Variants in CDKN2A observed in about 807,000 individuals in gnomAD.
The protein encoded by CDKN2A is cyclin-dependent kinase inhibitor 2A.
CDKN2A carries 3 observed loss-of-function variants against 11.1 expected under a neutral mutation model. The observed-to-expected ratio is 0.27, with a 90% CI of 0.12 to 0.70. CDKN2A has a LOEUF of 0.70. Among genes scored for constraint, CDKN2A ranks in the 30% least tolerant of loss-of-function variants. CDKN2A has a pLI of 0.77. For missense variants in CDKN2A, 265 were observed against 233.6 expected (o/e 1.13, Z -0.88); for synonymous variants, 122 against 108.1 (o/e 1.13, Z -0.80).
rs1030782445 is a variant in CDKN2A at position 21,988,632 on chromosome 9, A to C, written c.-4+5250T>G. Among the ~76,000 whole-genome samples, 5 of 152,136 alleles carry C rather than the reference A, an allele frequency of 3.3e-5. No homozygotes were observed. Among genetic ancestry groups the C allele is most frequent in the Non-Finnish European group, 7.4e-5 (5 of 68,022 alleles). The stretch of plus-strand genomic sequence containing the variant: ...AGAAAGGGAATGAGCGAGGGCTGAA[A>C]TACTACCTACTGTGGGTACTGTGCT... On this transcript the variant is annotated intron_variant, in intron 2 of 3. Transcript: ENST00000494262. This position sits in a 1 kb window ranked among gnomAD's most constrained non-coding sequence, Gnocchi z 4.1.
rs45476696 is a variant in CDKN2A at position 21,970,902 on chromosome 9, C to A, written c.457G>T (p.Asp153Tyr). ...AAATTCTCAGATCATCAGTCCTCAC[C>A]TGAGGGACCTTCCGCGGCATCTATG... ...ARIDAAEGPS[D>Y]IPD is the part of the protein sequence containing the mutation. Residue 153 changes from aspartate (D) to tyrosine (Y), a missense_variant and splice_region_variant, in exon 2 of 3, where the codon GAC becomes TAC. Asp to Tyr is a radical substitution (Grantham distance 160). Coordinates refer to ENST00000304494, the MANE Select transcript of CDKN2A (RefSeq NM_000077.5). The A allele has an allele frequency of 6.2e-7, 1 of 1,611,686 alleles. No homozygotes were observed. The highest frequency in any genetic ancestry group is 8.5e-7 in the Non-Finnish European group (1 of 1,180,018).
chr9:21,979,322 A>C (rs535556591), upstream of CDKN2A, among the ~76,000 whole-genome samples: 6 of 152,324 alleles, frequency 3.9e-5, no homozygotes, highest in South Asian at 4.1e-4. Flanking sequence ...CTACTCTTTC[A>C]TAGCTTGGTT....
intron 2 of CDKN2A, among the ~76,000 whole-genome samples, chr9:21,992,636 G>T (rs916645554): frequency 6.6e-6 from 1 of 151,870 alleles, no homozygotes; most frequent in Non-Finnish European, 1.5e-5. Flanking sequence ...ACATAATTAT[G>T]GCATTTATAT....
In CDKN2A at chr9:21,981,143, TATATATATATATAC is replaced by T. The variant is rs1820187505; in HGVS notation, c.-3-9949_-3-9936del. Among the ~76,000 whole-genome samples, 2 of 22,984 alleles carry T rather than the reference TATATATATATATAC, an allele frequency of 8.7e-5. 1 individual carries two copies. Among genetic ancestry groups the T allele is most frequent in the African/African-American group, 4.2e-4 (2 of 4,708 alleles). The allele number at this position is 22,984 out of a possible 152,430, so 15.1% of individuals were successfully genotyped here. On this transcript the variant is annotated intron_variant, in intron 2 of 3. Coordinates refer to the CDKN2A transcript ENST00000494262. ...ATACGTGTATATATATATATACGTG[TATATATATATATAC>T]GTGTATATATATATATACGTGTATA...
chr9:21,968,885 A>G lies in CDKN2A; in HGVS notation c.458-643T>C. 2 of 988,524 alleles carry G rather than the reference A, an allele frequency of 2.0e-6. No homozygotes were observed. Among genetic ancestry groups the G allele is most frequent in the Non-Finnish European group, 1.5e-6 (1 of 650,088 alleles). 61.2% of individuals were successfully genotyped at this position (988,524 alleles called of 1,614,324 possible). ...TCGGTTCTCCCGAGGCAGCATTTAC[A>G]CTTGAGAGTCTCAAGATTATTTTAT... On this transcript the variant is annotated intron_variant, in intron 2 of 2. Transcript: ENST00000304494. This position sits in a 1 kb window ranked among gnomAD's most constrained non-coding sequence, Gnocchi z 4.7.
upstream of CDKN2A, among the ~76,000 whole-genome samples, chr9:21,976,961 G>A (rs1454549285): frequency 6.6e-6 from 1 of 152,224 alleles, no homozygotes; most frequent in Non-Finnish European, 1.5e-5. Context: ...TTAAGCACAT[G>A]CTTAATCTGC....
chr9:21,987,432 C>G (rs868589965), intron 2 of CDKN2A, among the ~76,000 whole-genome samples: 451 of 138,254 alleles, frequency 3.3e-3, no homozygotes, highest in Admixed American at 5.0e-3. Context: ...CACACACACA[C>G]AGAGAGAGAG....
In CDKN2A at chr9:21,974,608, A is replaced by T. The variant is rs531646614; in HGVS notation, c.150+70T>A. The T allele has an allele frequency of 3.2e-5, 51 of 1,614,034 alleles. 1 individual carries two copies. The South Asian group carries it at 5.1e-4, about 16-fold the overall frequency. ...AGAATCGAAGCGCTACCTGATTCCA[A>T]TTCCCCTGCAAACTTCGTCCTCCAG... On this transcript the variant is annotated intron_variant, in intron 1 of 2. Coordinates refer to ENST00000304494, the MANE Select transcript of CDKN2A (RefSeq NM_000077.5). This position sits in a 1 kb window ranked among gnomAD's most constrained non-coding sequence, Gnocchi z 5.2.
chr9:21,969,823 G>A, intron 2 of CDKN2A: 1 of 396,384 alleles, frequency 2.5e-6, no homozygotes, highest in Non-Finnish European at 4.4e-6. Flanking sequence ...GGGAGGGGAG[G>A]AGGGGCCGAG....
intron 2 of CDKN2A, among the ~76,000 whole-genome samples, chr9:21,983,253 ATAAT>A (rs1182808216): frequency 6.6e-6 from 1 of 152,124 alleles, no homozygotes; most frequent in East Asian, 1.9e-4. Context: ...ATATTTAAAA[ATAAT>A]TAAGGAATTA....
rs2131113810 is a variant in CDKN2A at position 21,974,795 on chromosome 9, A to G, written c.33T>C (p.Pro11=). Residue 11 remains proline (P), a synonymous_variant, in exon 1 of 3, where the codon CCT becomes CCC. Coordinates refer to ENST00000304494, the MANE Select transcript of CDKN2A (RefSeq NM_000077.5). This position sits in a 1 kb window ranked among gnomAD's most constrained non-coding sequence, Gnocchi z 5.2. MEPAAGSSME[P]SADWLATAAA... ...CGGCCGTGGCCAGCCAGTCAGCCGA[A>G]GGCTCCATGCTGCTCCCCGCCGCCG... 6.2e-7 allele frequency: 1 copy of G among 1,606,586 alleles called. No individual in the cohort carries two copies. Among genetic ancestry groups the G allele is most frequent in the Non-Finnish European group, 8.5e-7 (1 of 1,179,050 alleles).
intron 2 of CDKN2A, among the ~76,000 whole-genome samples, chr9:21,982,396 T>C (rs1405044813): frequency 1.3e-5 from 2 of 152,134 alleles, no homozygotes; most frequent in Admixed American, 6.5e-5. Flanking sequence ...AAATTTACTA[T>C]TAAAATATCT....
rs149570278 is a variant in CDKN2A, at chr9:21,993,687, G to A, written c.-4+195C>T. Among the ~76,000 whole-genome samples, 24 of 152,314 alleles carry A rather than the reference G, an allele frequency of 1.6e-4. No homozygotes were observed. The East Asian group carries it at 4.6e-3, about 29-fold the overall frequency. The stretch of plus-strand genomic sequence containing the variant: ...CCACTCTCCTGGAAGGTGGGAGAGG[G>A]TGACCCCGCCGGGAGGCTGGGGAGA... On this transcript the variant is annotated intron_variant, in intron 2 of 3. Coordinates refer to the CDKN2A transcript ENST00000494262.
At chr9:21,987,396 A>AACACAC (rs375380204) in intron 2 of CDKN2A, among the ~76,000 whole-genome samples, 5,439 of 89,252 alleles carry the variant, frequency 0.061, 179 homozygotes, top group African/African-American at 0.079. Context: ...CCCTTATTAC[A>AACACAC]ACACACACAC....
chr9:21,968,475 C>T lies in CDKN2A; in HGVS notation c.458-233G>A. On this transcript the variant is annotated intron_variant, in intron 2 of 2. Coordinates refer to ENST00000304494, the MANE Select transcript of CDKN2A (RefSeq NM_000077.5). The surrounding 1 kb of genome is among the most constrained non-coding windows in gnomAD (Gnocchi z 4.7). ...AGGCGCGCCGACCGCTCAAGCGCTC[C>T]AGGTCCACCCGGCGGAGGGCAGAGA... 6 of 1,466,010 alleles carry T rather than the reference C, an allele frequency of 4.1e-6. No homozygotes were observed. Among genetic ancestry groups the T allele is most frequent in the Non-Finnish European group, 5.4e-6 (6 of 1,115,576 alleles). The allele number at this position is 1,466,010 out of a possible 1,614,324, so 90.8% of individuals were successfully genotyped here.
intron 1 of CDKN2A, among the ~76,000 whole-genome samples, chr9:21,972,344 A>G (rs953600984): frequency 1.3e-5 from 2 of 152,170 alleles, no homozygotes; most frequent in Admixed American, 1.3e-4. Context: ...AATGGTCTTG[A>G]GGGAGATTAT....
In CDKN2A at chr9:21,974,628, C is replaced by G. The variant is rs2131111211; in HGVS notation, c.150+50G>C. 3 of 1,614,224 alleles carry G rather than the reference C, an allele frequency of 1.9e-6. No homozygotes were observed. Among genetic ancestry groups the G allele is most frequent in the South Asian group, 2.2e-5 (2 of 91,074 alleles). On this transcript the variant is annotated intron_variant, in intron 1 of 2. Transcript: ENST00000304494. This position sits in a 1 kb window ranked among gnomAD's most constrained non-coding sequence, Gnocchi z 5.2. Reference sequence around the variant, plus strand: ...TTCCAATTCCCCTGCAAACTTCGTCCTCCAGAGTCGCCCGCCATCCCCTGC... The same window carrying G: ...TTCCAATTCCCCTGCAAACTTCGTCGTCCAGAGTCGCCCGCCATCCCCTGC...
At chr9:21,971,595 T>C (rs1819764115) in intron 1 of CDKN2A, among the ~76,000 whole-genome samples, 1 of 150,302 alleles carries the variant, frequency 6.7e-6, no homozygotes, top group East Asian at 2.0e-4. Context: ...TTTTTTTTGT[T>C]CACTGCTGTA....
Position 21,974,521 on chromosome 9 carries a change from G to A in CDKN2A, c.150+157C>T. The A allele has an allele frequency of 1.9e-6, 3 of 1,613,240 alleles. No homozygotes were observed. The highest frequency in any genetic ancestry group is 2.5e-6 in the Non-Finnish European group (3 of 1,179,952). On this transcript the variant is annotated intron_variant, in intron 1 of 2. Transcript: ENST00000304494. This position sits in a 1 kb window ranked among gnomAD's most constrained non-coding sequence, Gnocchi z 5.2. ...TCCCAAGCCCCCAGGGCGTCGCCAGGAGGAGGTCTGTGATTACAAACCCCT... is the reference window on the plus strand; with the variant it reads ...TCCCAAGCCCCCAGGGCGTCGCCAGAAGGAGGTCTGTGATTACAAACCCCT...
Sources: allele counts gnomAD v4.1 joint callset (sites outside exome capture counted in the v4.1 genomes callset), GRCh38; gene constraint gnomAD v4.1.1; non-coding constraint Gnocchi (gnomAD v3.1); transcripts MANE v1.5; gene names NCBI Gene and HGNC (gene_info 2026-07-23, HGNC 2026-07-21).